Variants in GNB1 observed in about 807,000 individuals in gnomAD.
The protein encoded by GNB1 is guanine nucleotide-binding protein G(I)/G(S)/G(T) subunit beta-1.
A neutral mutation model predicts 42.9 loss-of-function variants in GNB1; 2 were observed. That is an observed-to-expected ratio of 0.05 (90% CI 0.02 to 0.15). GNB1 has a LOEUF of 0.15. Among genes scored for constraint, GNB1 ranks in the 10% least tolerant of loss-of-function variants. The pLI, the probability that GNB1 is intolerant of heterozygous loss-of-function variation, is 1.00. For missense variants in GNB1, 193 were observed against 462.2 expected (o/e 0.42, Z 5.34); for synonymous variants, 183 against 174.7 (o/e 1.05, Z -0.38).
chr1:1,814,813 A>G (rs866476847), intron 5 of GNB1, among the ~76,000 whole-genome samples: 7 of 144,298 alleles, frequency 4.9e-5, no homozygotes, highest in African/African-American at 1.7e-4. Context: ...AAAAAAAAAA[A>G]AAAAAAAGAA....
In GNB1 at chr1:1,790,653, C is replaced by A. The variant is rs1464930992; in HGVS notation, c.498-57G>T. On this transcript the variant is annotated intron_variant, in intron 8 of 11. Coordinates refer to ENST00000378609, the MANE Select transcript of GNB1 (RefSeq NM_002074.5). This position sits in a 1 kb window ranked among gnomAD's most constrained non-coding sequence, Gnocchi z 5.4. ...AGCCTTAACTTCTTGGGTGGCTAGT[C>A]ATGTGACAGACAATCTGTCCTTCAA... 8.3e-7 allele frequency: 1 copy of A among 1,203,978 alleles called. No individual in the cohort carries two copies. The highest frequency in any genetic ancestry group is 1.2e-6 in the Non-Finnish European group (1 of 816,846). The allele number at this position is 1,203,978 out of a possible 1,614,324, so 74.6% of individuals were successfully genotyped here.
At chr1:1,848,186 T>C (rs987026946) in intron 1 of GNB1, among the ~76,000 whole-genome samples, 1 of 151,570 alleles carries the variant, frequency 6.6e-6, no homozygotes, top group Non-Finnish European at 1.5e-5. Context: ...CAGACCACCC[T>C]GGCCAACACA....
At chr1:1,860,052 A>G (rs1002222167) in intron 1 of GNB1, among the ~76,000 whole-genome samples, 5 of 152,084 alleles carry the variant, frequency 3.3e-5, no homozygotes, top group African/African-American at 1.2e-4. Context: ...AACTTAAAGT[A>G]TAATAAAAAA....
chr1:1,807,836 T>G (rs1450363011), intron 5 of GNB1, among the ~76,000 whole-genome samples: 1 of 151,418 alleles, frequency 6.6e-6, no homozygotes, highest in African/African-American at 2.4e-5. Context: ...GTCTCCCGAG[T>G]AGCTGGGACT....
intron 1 of GNB1, among the ~76,000 whole-genome samples, chr1:1,885,056 G>C (rs904985067): frequency 3.3e-5 from 5 of 151,832 alleles, no homozygotes; most frequent in Non-Finnish European, 5.9e-5. Flanking sequence ...AGTAAGTTTG[G>C]AGCAATGAAT....
intron 1 of GNB1, among the ~76,000 whole-genome samples, chr1:1,876,794 C>T (rs1649570187): frequency 6.6e-6 from 1 of 152,118 alleles, no homozygotes; most frequent in African/African-American, 2.4e-5. Flanking sequence ...GTCATTCAGT[C>T]CTCACAACAA....
At chr1:1,822,662 C>T (rs964761298) in intron 3 of GNB1, among the ~76,000 whole-genome samples, 4 of 152,112 alleles carry the variant, frequency 2.6e-5, no homozygotes, top group Non-Finnish European at 4.4e-5. Context: ...GGGAATGTCA[C>T]GTGACATTTG....
chr1:1,802,387 A>T (rs1421229132), intron 7 of GNB1, among the ~76,000 whole-genome samples: 1 of 152,256 alleles, frequency 6.6e-6, no homozygotes, highest in African/African-American at 2.4e-5. Context: ...AGAAAACTTC[A>T]GATATGTAAA....
At chr1:1,882,879 T>C (rs1649931064) in intron 1 of GNB1, among the ~76,000 whole-genome samples, 2 of 150,340 alleles carry the variant, frequency 1.3e-5, no homozygotes, top group South Asian at 4.2e-4. Flanking sequence ...CGAGATCATG[T>C]CACTGCACTC....
At chr1:1,816,111 C>T (rs1392670375) in intron 4 of GNB1, among the ~76,000 whole-genome samples, 1 of 152,196 alleles carries the variant, frequency 6.6e-6, no homozygotes, top group Admixed American at 6.6e-5. Flanking sequence ...CGAACATGGC[C>T]AGCCTTGAAG....
chr1:1,794,862 G>A (rs188411970), intron 7 of GNB1, among the ~76,000 whole-genome samples: 1 of 152,034 alleles, frequency 6.6e-6, no homozygotes, highest in Non-Finnish European at 1.5e-5. Context: ...GCTAATTTTT[G>A]TATTTTTAGT....
intron 1 of GNB1, among the ~76,000 whole-genome samples, chr1:1,882,292 G>A (rs1649888857): frequency 6.6e-6 from 1 of 152,080 alleles, no homozygotes; most frequent in African/African-American, 2.4e-5. Context: ...GCTAGGCGTG[G>A]CGGCATGCAC....
intron 1 of GNB1, among the ~76,000 whole-genome samples, chr1:1,889,434 G>A (rs1650343849): frequency 1.3e-5 from 2 of 152,148 alleles, no homozygotes; most frequent in African/African-American, 4.8e-5. Context: ...AACTGTAAAT[G>A]TACACCAACT....
intron 1 of GNB1, among the ~76,000 whole-genome samples, chr1:1,876,430 T>C (rs770897768): frequency 1.3e-5 from 2 of 151,500 alleles, no homozygotes; most frequent in African/African-American, 2.4e-5. Flanking sequence ...GGACTACAGG[T>C]GTACACCATC....
At chr1:1,805,388 G>C (rs1055063725) in intron 6 of GNB1, among the ~76,000 whole-genome samples, 2 of 151,516 alleles carry the variant, frequency 1.3e-5, no homozygotes, top group Non-Finnish European at 2.9e-5. Context: ...TTGAACCAGG[G>C]GGGTGGAGGC....
At chr1:1,864,826 T>G (rs1648834433) in intron 1 of GNB1, among the ~76,000 whole-genome samples, 1 of 152,262 alleles carries the variant, frequency 6.6e-6, no homozygotes, top group African/African-American at 2.4e-5. Context: ...CAGCTGCTGA[T>G]GCACATCTCC....
intron 2 of GNB1, among the ~76,000 whole-genome samples, chr1:1,835,426 C>T (rs2101106787): frequency 6.6e-6 from 1 of 152,282 alleles, no homozygotes; most frequent in South Asian, 2.1e-4. Context: ...CATGCAAGCC[C>T]CTTAGAACCA....
intron 1 of GNB1, among the ~76,000 whole-genome samples, chr1:1,840,575 A>C (rs1365629247): frequency 6.6e-6 from 1 of 152,236 alleles, no homozygotes; most frequent in Non-Finnish European, 1.5e-5. Context: ...AATACAATTC[A>C]ACAAATTCTG....
rs184259321 is a variant in GNB1, at chr1:1,807,731, G to A, written c.204-1193C>T. On this transcript the variant is annotated intron_variant, in intron 5 of 11. Transcript: ENST00000378609. Reference sequence around the variant, plus strand: ...TTTTTTTCTTTTTTTTTTTTGAGACGGAGTCTCGCTCCGTGGCCCAGGCTG... The same window carrying A: ...TTTTTTTCTTTTTTTTTTTTGAGACAGAGTCTCGCTCCGTGGCCCAGGCTG... Among the ~76,000 whole-genome samples the A allele has an allele frequency of 3.9e-4, 58 of 149,998 alleles. No individual in the cohort carries two copies. The East Asian group carries it at 0.01, about 26-fold the overall frequency.
Sources: gnomAD v4.1 joint callset for allele counts (sites outside exome capture counted in the v4.1 genomes callset) on GRCh38, gnomAD v4.1.1 for gene constraint, Gnocchi (gnomAD v3.1) non-coding constraint, MANE v1.5 for transcripts, NCBI Gene and HGNC (gene_info 2026-07-23, HGNC 2026-07-21) for gene names.